SARDH: variants seen among roughly 807,000 people sequenced by gnomAD.
SARDH encodes the protein sarcosine dehydrogenase, mitochondrial.
In SARDH, 95 loss-of-function variants were observed where a neutral mutation model predicts 109.1. The ratio of observed to expected loss-of-function variants is 0.87; its 90% confidence interval spans 0.74 to 1.03. SARDH has a LOEUF of 1.03. Ranked by LOEUF, SARDH falls within the 50% of genes least tolerant of loss-of-function variation. SARDH has a pLI of 0.00. For synonymous variants in SARDH, 572 were observed against 534.8 expected (o/e 1.07, Z -0.96); for missense variants, 1,267 against 1,287.8 (o/e 0.98, Z 0.25).
Position 133,734,158 on chromosome 9 carries a change from G to C in SARDH, c.16C>G (p.Arg6Gly). ...TGGGCAGCAGCCACACGTAGGGCTC[G>C]GCTCAGTGAGGCCATGGGGGCTCCA... MASLS[R>G]ALRVAAAHPR... Residue 6 changes from arginine to glycine, a missense_variant, in exon 2 of 21, where the codon CGA (arginine) becomes GGA (glycine). Coordinates refer to ENST00000439388, the MANE Select transcript of SARDH (RefSeq NM_001134707.2). 1 of 1,595,136 alleles carries C rather than the reference G, an allele frequency of 6.3e-7. No homozygotes were observed. The highest frequency in any genetic ancestry group is 8.5e-7 in the Non-Finnish European group (1 of 1,171,314).
intron 6 of SARDH, among the ~76,000 whole-genome samples, chr9:133,727,133 C>A (rs1212545505): frequency 1.3e-5 from 2 of 152,164 alleles, no homozygotes; most frequent in African/African-American, 4.8e-5. Flanking sequence ...CCTAACAGCG[C>A]CCGAGCCACC....
intron 13 of SARDH, among the ~76,000 whole-genome samples, chr9:133,702,233 G>A (rs1338813277): frequency 2.0e-5 from 3 of 152,270 alleles, no homozygotes; most frequent in Non-Finnish European, 4.4e-5. Flanking sequence ...TTCCCGGACA[G>A]CTGCGGGGGA....
intron 6 of SARDH, among the ~76,000 whole-genome samples, chr9:133,721,216 C>A (rs1832314853): frequency 6.6e-6 from 1 of 152,182 alleles, no homozygotes; most frequent in East Asian, 1.9e-4. Flanking sequence ...AGGCCTGCAC[C>A]AAGGCCACGC....
rs920873832 is a variant in SARDH at position 133,694,205 on chromosome 9, G to A, written c.1921+53C>T. 12 of 1,338,360 alleles carry A rather than the reference G, an allele frequency of 9.0e-6. No individual in the cohort carries two copies. The Admixed American group carries it at 1.1e-4, about 12-fold the overall frequency. 82.9% of individuals were successfully genotyped at this position (1,338,360 alleles called of 1,614,324 possible). ...CATCCTGCCCTGTCCACAACCACCAGTCCACAGAGCAGGCCGCAGTCACAG... is the reference window on the plus strand; with the variant it reads ...CATCCTGCCCTGTCCACAACCACCAATCCACAGAGCAGGCCGCAGTCACAG... On this transcript the variant is annotated intron_variant, in intron 15 of 20. Transcript: ENST00000439388.
chr9:133,671,116 G>A (rs1830331977), intron 18 of SARDH, among the ~76,000 whole-genome samples: 1 of 152,198 alleles, frequency 6.6e-6, no homozygotes, highest in South Asian at 2.1e-4. Flanking sequence ...AGCCCGCTCT[G>A]AGCCTTCATC....
intron 8 of SARDH, among the ~76,000 whole-genome samples, chr9:133,714,646 G>A (rs898741226): frequency 6.6e-6 from 1 of 152,232 alleles, no homozygotes; most frequent in African/African-American, 2.4e-5. Context: ...CGGATGTGGT[G>A]GAGCGAGCCT....
intron 17 of SARDH, among the ~76,000 whole-genome samples, chr9:133,684,388 T>G (rs527995999): frequency 6.6e-6 from 1 of 152,298 alleles, no homozygotes; most frequent in African/African-American, 2.4e-5. Flanking sequence ...AAGTGTGCTG[T>G]GATGTTCTCG....
intron 10 of SARDH, among the ~76,000 whole-genome samples, chr9:133,711,085 G>A (rs1465082849): frequency 6.6e-6 from 1 of 152,250 alleles, no homozygotes; most frequent in Non-Finnish European, 1.5e-5. Context: ...ACAGCTGACC[G>A]AGGGAGGCCC....
In SARDH at chr9:133,692,561, C is replaced by T. The variant is rs1241208395; in HGVS notation, c.1921+1697G>A. ...CTCCAGGAAGCCTTGCTCATCCCGG[C>T]TCGGCGGCTTCACATGGCCTTCCCT... On this transcript the variant is annotated intron_variant, in intron 15 of 20. Transcript: ENST00000439388. The surrounding 1 kb of genome is among the most constrained non-coding windows in gnomAD (Gnocchi z 5.0). Among the ~76,000 whole-genome samples, 1 of 152,164 alleles carries T rather than the reference C, an allele frequency of 6.6e-6. No homozygotes were observed. The highest frequency in any genetic ancestry group is 2.4e-5 in the African/African-American group (1 of 41,436).
At chr9:133,672,219 T>C (rs1588381402) in intron 17 of SARDH, among the ~76,000 whole-genome samples, 2 of 152,278 alleles carry the variant, frequency 1.3e-5, no homozygotes, top group East Asian at 3.9e-4. Flanking sequence ...CCTCACAGCC[T>C]CCCCTTTGTG....
At position 133,663,979 on chromosome 9, in the gene SARDH, G is replaced by C; in HGVS notation, c.2667C>G (p.Ala889=). The C allele has an allele frequency of 6.2e-7, 1 of 1,614,136 alleles. No homozygotes were observed. Among genetic ancestry groups the C allele is most frequent in the Non-Finnish European group, 8.5e-7 (1 of 1,180,018 alleles). The change falls in exon 21 of 21, where the codon GCC becomes GCG. Residue 889 remains alanine (A), a synonymous_variant. Transcript: ENST00000439388. ...CATAGGTCACCCCCATTCTCTCCAG[G>C]GCATAGTCCCCGCTCTTCACAAAGT... ...SLDFVKSGDY[A]LERMGVTYGA...
chr9:133,670,673 C>G lies in SARDH; in HGVS notation c.2406G>C (p.Lys802Asn). The G allele has an allele frequency of 6.2e-7, 1 of 1,606,592 alleles. No homozygotes were observed. The highest frequency in any genetic ancestry group is 8.5e-7 in the Non-Finnish European group (1 of 1,177,436). Residue 802 changes from lysine to asparagine, a missense_variant, in exon 19 of 21, where the codon AAG (lysine) becomes AAC (asparagine). Physicochemically the swap from Lys to Asn is moderately conservative, Grantham distance 94. Transcript: ENST00000439388. ...EAGLAFTCKL[K>N]SPVPFLGREA... ...CCCTCCCCAGGAAGGGCACCGGCGA[C>G]TTGAGCTTGCAGGTGAAGGCCAGGC...
intron 1 of SARDH, among the ~76,000 whole-genome samples, chr9:133,737,393 C>A (rs1832920416): frequency 6.6e-6 from 1 of 152,132 alleles, no homozygotes; most frequent in Non-Finnish European, 1.5e-5. Context: ...CAGAGGTGGC[C>A]CCGGACAAGG....
intron 17 of SARDH, among the ~76,000 whole-genome samples, chr9:133,681,698 A>C (rs1320410479): frequency 6.6e-6 from 1 of 152,166 alleles, no homozygotes; most frequent in Non-Finnish European, 1.5e-5. Flanking sequence ...AAGTTTAGTA[A>C]AACACTAGTG....
chr9:133,671,766 T>C (rs1830360744), intron 17 of SARDH, 69 bp from the exon 18 acceptor site: 2 of 1,482,560 alleles, frequency 1.3e-6, no homozygotes, highest in African/African-American at 2.8e-5. Flanking sequence ...AGGCCACCAC[T>C]TCCTGGTGGC....
At chr9:133,668,990 A>C (rs1044140074) in intron 19 of SARDH, among the ~76,000 whole-genome samples, 2 of 2,588 alleles carry the variant, frequency 7.7e-4, no homozygotes, top group African/African-American at 1.7e-3. Context: ...CTCACCCTCC[A>C]TCTCCCTCAC....
At chr9:133,690,594 G>T (rs1260564211) in intron 15 of SARDH, 67 bp from the exon 16 acceptor site, 2 of 1,541,906 alleles carry the variant, frequency 1.3e-6, no homozygotes, top group Non-Finnish European at 1.8e-6. Context: ...AGAGAGGGTG[G>T]CCCAAGGGTC....
chr9:133,685,252 G>A lies in SARDH; in HGVS notation c.2104C>T (p.Leu702=). The A allele has an allele frequency of 6.2e-7, 1 of 1,614,038 alleles. No individual in the cohort carries two copies. Among genetic ancestry groups the A allele is most frequent in the Non-Finnish European group, 8.5e-7 (1 of 1,179,982 alleles). The part of the protein sequence containing the change: ...AILQEVLDAD[L]SNEAFPFSTH... Reference sequence around the variant, plus strand: ...GAGAACGGGAAGGCCTCGTTGCTCAGGTCTGCGTCCAGCACCTCCTGCAAA... The same window carrying A: ...GAGAACGGGAAGGCCTCGTTGCTCAAGTCTGCGTCCAGCACCTCCTGCAAA... The change falls in exon 17 of 21, where the codon CTG becomes TTG. Residue 702 remains leucine (L), a synonymous_variant. Transcript: ENST00000439388.
chr9:133,698,032 A>AAAG (rs1166863491), intron 13 of SARDH, among the ~76,000 whole-genome samples: 28 of 151,200 alleles, frequency 1.9e-4, no homozygotes, highest in Middle Eastern at 3.2e-3. Flanking sequence ...GAAAAAAAAG[A>AAAG]AAAAAAACTG....
Sources: gnomAD v4.1 joint callset for allele counts (sites outside exome capture counted in the v4.1 genomes callset) on GRCh38, gnomAD v4.1.1 for gene constraint, Gnocchi (gnomAD v3.1) non-coding constraint, MANE v1.5 for transcripts, NCBI Gene and HGNC (gene_info 2026-07-23, HGNC 2026-07-21) for gene names.